Variants in HMGA2 observed in about 807,000 individuals in gnomAD.
HMGA2 encodes the protein high mobility group AT-hook 2, also known as high mobility group protein HMGI-C.
Under a neutral mutation model 19.1 loss-of-function variants are expected in HMGA2, and 8 were observed. That is an observed-to-expected ratio of 0.42 (90% confidence interval 0.25 to 0.76). The LOEUF (loss-of-function observed/expected upper bound fraction) is 0.76. Ranked by LOEUF, HMGA2 falls within the 30% of genes least tolerant of loss-of-function variation. The probability of loss-of-function intolerance (pLI) is 0.28; values close to 1 mark genes in which losing one functional copy is unlikely to be tolerated. For synonymous variants in HMGA2, 60 were observed against 48.8 expected (o/e 1.23, Z -0.96); for missense variants, 109 against 136.3 (o/e 0.80, Z 1.00).
In HMGA2 at chr12:65,827,105, C is replaced by G. The variant is rs898086096; in HGVS notation, c.112-896C>G. 6 of 152,180 alleles carry G rather than the reference C, an allele frequency of 3.9e-5. No homozygotes were observed. The East Asian group carries it at 7.7e-4, about 20-fold the overall frequency. 9.4% of individuals were successfully genotyped at this position (152,180 alleles called of 1,614,324 possible). ...TCTGGAATATTAATCATCGCATTCT[C>G]TTAACCACTTGAGTATTTACTACTT... On this transcript the variant is annotated intron_variant, in intron 1 of 4. Transcript: ENST00000403681.
intron 3 of HMGA2, among the ~76,000 whole-genome samples, chr12:65,845,484 G>A (rs1871196096): frequency 6.6e-6 from 1 of 152,068 alleles, no homozygotes; most frequent in African/African-American, 2.4e-5. Flanking sequence ...GGCCAGGCTG[G>A]TCTTGAACTC....
chr12:65,910,020 A>G lies in HMGA2; in HGVS notation c.250-41363A>G, dbSNP rs145571053. On this transcript the variant is annotated intron_variant, in intron 3 of 4. Transcript: ENST00000403681. ...AGTAAAAAGGGCAAATAAAGCTAAC[A>G]GCACAAAAGAGGATATATTGAAAAG... 2.1e-3 allele frequency among the ~76,000 whole-genome samples: 315 copies of G among 152,338 alleles called. 1 individual carries two copies. Among genetic ancestry groups the G allele is most frequent in the African/African-American group, 7.4e-3 (306 of 41,574 alleles).
chr12:65,913,374 A>G (rs1404608966), intron 3 of HMGA2, among the ~76,000 whole-genome samples: 1 of 152,166 alleles, frequency 6.6e-6, no homozygotes, highest in Non-Finnish European at 1.5e-5. Context: ...AGTCTTCCTC[A>G]GCCACTGAGT....
At chr12:65,865,409 A>G (rs968780265) in intron 3 of HMGA2, among the ~76,000 whole-genome samples, 1 of 152,158 alleles carries the variant, frequency 6.6e-6, no homozygotes, top group Admixed American at 6.5e-5. Context: ...GATAGAAATG[A>G]AAGTACTTAG....
Position 65,881,705 on chromosome 12 carries a change from G to A in HMGA2, c.249+43136G>A, listed in dbSNP as rs1277984073. 3 of 701,838 alleles carry A rather than the reference G, an allele frequency of 4.3e-6. No homozygotes were observed. In the South Asian group the frequency reaches 4.4e-5, roughly 10 times the overall value. 43.5% of individuals were successfully genotyped at this position (701,838 alleles called of 1,614,324 possible). A position where few individuals can be genotyped will look rare whatever the true frequency, so the allele number is the denominator to read the frequency against. ...GAGGAGGAGAGAAATTGCTGAAGGA[G>A]AGCTTCACTCACTGACTCCGCACAC... On this transcript the variant is annotated intron_variant, in intron 3 of 4. Transcript: ENST00000403681.
intron 1 of HMGA2, among the ~76,000 whole-genome samples, chr12:65,827,559 A>G (rs1870269263): frequency 6.6e-6 from 1 of 152,202 alleles, no homozygotes. Context: ...CCTTTTCAAT[A>G]TGGAAGATTG....
chr12:65,881,681 A>G (rs1229185481), intron 3 of HMGA2: 2 of 697,384 alleles, frequency 2.9e-6, no homozygotes, highest in East Asian at 2.7e-5. Flanking sequence ...GAAATATGAG[A>G]GGAGGAGAGA....
At chr12:65,893,348 C>T (rs1873994355) in intron 3 of HMGA2, among the ~76,000 whole-genome samples, 1 of 152,302 alleles carries the variant, frequency 6.6e-6, no homozygotes, top group Middle Eastern at 3.4e-3. Flanking sequence ...CAGAATTCAA[C>T]AAGGCCAAAT....
intron 3 of HMGA2, among the ~76,000 whole-genome samples, chr12:65,868,595 C>A (rs1423909431): frequency 6.6e-6 from 1 of 152,112 alleles, no homozygotes; most frequent in Non-Finnish European, 1.5e-5. Flanking sequence ...GCAAGAGTTT[C>A]TTTTTATACA....
chr12:65,827,993 A>C lies in HMGA2; in HGVS notation c.112-8A>C, dbSNP rs774187023. 1 of 1,604,828 alleles carries C rather than the reference A, an allele frequency of 6.2e-7. No individual in the cohort carries two copies. The highest frequency in any genetic ancestry group is 1.1e-5 in the South Asian group (1 of 90,878). ...CCACAACAGCATTTTTTTTTCCCTC[A>C]CAATTAGGAACCAACCGGTGAGCCC... On this transcript the variant is annotated splice_region_variant and splice_polypyrimidine_tract_variant and intron_variant, in intron 1 of 4. Coordinates refer to ENST00000403681, the MANE Select transcript of HMGA2 (RefSeq NM_003483.6).
intron 3 of HMGA2, among the ~76,000 whole-genome samples, chr12:65,839,903 G>T (rs1745393155): frequency 2.0e-5 from 3 of 152,128 alleles, no homozygotes; most frequent in Admixed American, 1.3e-4. Context: ...ACTGTCTCTA[G>T]GTCATCCTTC....
intron 4 of HMGA2, chr12:65,953,549 A>T (rs1876524176): frequency 6.6e-6 from 1 of 152,236 alleles, no homozygotes; most frequent in Non-Finnish European, 1.5e-5. Flanking sequence ...CAAGTTGGAC[A>T]TTAATACATC....
intron 4 of HMGA2, chr12:65,954,654 A>G (rs1223389902): frequency 6.6e-6 from 1 of 152,230 alleles, no homozygotes; most frequent in African/African-American, 2.4e-5. Context: ...AGAGAAATGA[A>G]AAGTGAAGGA....
Position 65,907,442 on chromosome 12 carries a change from A to G in HMGA2, c.250-43941A>G, listed in dbSNP as rs533608614. On this transcript the variant is annotated intron_variant, in intron 3 of 4. Coordinates refer to ENST00000403681, the MANE Select transcript of HMGA2 (RefSeq NM_003483.6). ...AAAAAAAAAAAAAAAGGTGGGGGGT[A>G]AAGTGCTCTGATAGTCATATGCTGA... 6.0e-5 allele frequency among the ~76,000 whole-genome samples: 9 copies of G among 150,716 alleles called. No individual in the cohort carries two copies. In the East Asian group the frequency reaches 1.8e-3, roughly 29 times the overall value.
intron 4 of HMGA2, chr12:65,952,180 G>A (rs1046672646): frequency 7.2e-6 from 4 of 559,038 alleles, no homozygotes; most frequent in Non-Finnish European, 1.3e-5. Context: ...CTTCCCTTCT[G>A]TATGTAAATA....
At chr12:65,878,570 C>G (rs191401890) in intron 3 of HMGA2, among the ~76,000 whole-genome samples, 1 of 152,306 alleles carries the variant, frequency 6.6e-6, no homozygotes, top group African/African-American at 2.4e-5. Flanking sequence ...AAAGTTTCAA[C>G]ACATATCTGT....
At chr12:65,844,264 G>A (rs901529663) in intron 3 of HMGA2, among the ~76,000 whole-genome samples, 2 of 152,022 alleles carry the variant, frequency 1.3e-5, no homozygotes, top group Non-Finnish European at 2.9e-5. Flanking sequence ...AAAAACAGGA[G>A]ATGCTCTTTT....
chr12:65,873,349 C>G (rs1178479152), intron 3 of HMGA2, among the ~76,000 whole-genome samples: 1 of 152,166 alleles, frequency 6.6e-6, no homozygotes, highest in Non-Finnish European at 1.5e-5. Context: ...CTTTCAGCAC[C>G]AAATACGGCA....
chr12:65,895,258 A>G (rs1247259993), intron 3 of HMGA2, among the ~76,000 whole-genome samples: 1 of 152,196 alleles, frequency 6.6e-6, no homozygotes, highest in Non-Finnish European at 1.5e-5. Context: ...AAGCAAGTCT[A>G]TAACAAGATT....
Sources: allele counts gnomAD v4.1 joint callset (sites outside exome capture counted in the v4.1 genomes callset), GRCh38; gene constraint gnomAD v4.1.1; transcripts MANE v1.5; gene names NCBI Gene and HGNC (gene_info 2026-07-23, HGNC 2026-07-21).